BCCIP: variants seen among roughly 807,000 people sequenced by gnomAD.
The protein encoded by BCCIP is BRCA2 and CDKN1A interacting protein, also known as BRCA2 and CDKN1A-interacting protein.
In BCCIP, 23 loss-of-function variants were observed where a neutral mutation model predicts 32.8. That is an observed-to-expected ratio of 0.70 (90% CI 0.51 to 0.99). BCCIP has a LOEUF of 0.99. Among genes scored for constraint, BCCIP ranks in the 50% least tolerant of loss-of-function variants. The pLI, the probability that BCCIP is intolerant of heterozygous loss-of-function variation, is 0.00. For synonymous variants in BCCIP, 144 were observed against 137.6 expected (o/e 1.05, Z -0.33); for missense variants, 378 against 379.8 (o/e 1.00, Z 0.04).
rs761117867 is a variant in BCCIP at position 125,852,267 on chromosome 10, T to C, written c.851-858T>C. The stretch of plus-strand genomic sequence containing the variant: ...AGAAGGTGAATCTCAGCCTAATGCC[T>C]GGCTGACATGGGAGCATAAGGCTAC... On this transcript the variant is annotated intron_variant, in intron 7 of 7. Transcript: ENST00000368759. 5.0e-6 allele frequency: 8 copies of C among 1,609,350 alleles called. No individual in the cohort carries two copies. The Admixed American group carries it at 1.3e-4, about 27-fold the overall frequency.
intron 7 of BCCIP, among the ~76,000 whole-genome samples, chr10:125,850,545 A>T (rs552269202): frequency 6.6e-6 from 1 of 151,826 alleles, no homozygotes; most frequent in African/African-American, 2.4e-5. Context: ...AGTAGAGACG[A>T]GATTTCACCA....
intron 7 of BCCIP, among the ~76,000 whole-genome samples, chr10:125,848,414 C>CTCTA (rs1944050891): frequency 6.6e-6 from 1 of 152,226 alleles, no homozygotes; most frequent in African/African-American, 2.4e-5. Context: ...AGGGCAGACA[C>CTCTA]TCTACCCTAA....
intron 2 of BCCIP, among the ~76,000 whole-genome samples, chr10:125,826,924 T>G (rs372590938): frequency 1.5e-4 from 22 of 148,000 alleles, no homozygotes; most frequent in African/African-American, 4.2e-4. Flanking sequence ...TACTTGAGTC[T>G]AAGAGCTCAA....
chr10:125,837,212 C>T (rs1854720080), downstream of BCCIP, among the ~76,000 whole-genome samples: 1 of 152,120 alleles, frequency 6.6e-6, no homozygotes, highest in East Asian at 1.9e-4. Context: ...GAGGGGGTAT[C>T]TTTGCTTCTT....
chr10:125,844,856 G>A (rs1311912198), downstream of BCCIP, among the ~76,000 whole-genome samples: 2 of 152,182 alleles, frequency 1.3e-5, no homozygotes, highest in African/African-American at 2.4e-5. Context: ...GCTTGCCAGC[G>A]GCAGCTGTAC....
intron 3 of BCCIP, among the ~76,000 whole-genome samples, chr10:125,828,418 G>C (rs1436112752): frequency 6.6e-6 from 1 of 151,822 alleles, no homozygotes; most frequent in Non-Finnish European, 1.5e-5. Flanking sequence ...CGCAGGGAGG[G>C]AAGGGACAGA....
At chr10:125,824,171 CT>C (rs1666012568) in intron 1 of BCCIP, among the ~76,000 whole-genome samples, 1 of 152,170 alleles carries the variant, frequency 6.6e-6, no homozygotes, top group Non-Finnish European at 1.5e-5. Flanking sequence ...TTCAAATGCT[CT>C]TCTTTATCCT....
intron 5 of BCCIP, among the ~76,000 whole-genome samples, chr10:125,831,933 T>C (rs566803788): frequency 5.9e-5 from 9 of 152,330 alleles, no homozygotes; most frequent in Admixed American, 4.6e-4. Context: ...AATAAAATAA[T>C]GAACAATTAC....
downstream of BCCIP, chr10:125,838,945 C>T (rs1854784490): frequency 6.6e-7 from 1 of 1,513,336 alleles, no homozygotes; most frequent in African/African-American, 1.4e-5. Context: ...GGCAGCATAT[C>T]CTGAGTATGT....
chr10:125,849,601 G>A (rs1240378694), intron 7 of BCCIP, among the ~76,000 whole-genome samples: 1 of 151,428 alleles, frequency 6.6e-6, no homozygotes, highest in African/African-American at 2.5e-5. Flanking sequence ...ATATTTGCTC[G>A]ACTCTCTGGG....
intron 3 of BCCIP, 43 bp downstream of exon 3, chr10:125,827,681 T>C (rs1218339456): frequency 2.1e-6 from 3 of 1,432,280 alleles, no homozygotes; most frequent in Non-Finnish European, 2.9e-6. Context: ...ATGAGTTCTT[T>C]ATTCTGTTCA....
intron 7 of BCCIP, among the ~76,000 whole-genome samples, chr10:125,850,314 T>C (rs1294451847): frequency 6.6e-6 from 1 of 150,728 alleles, no homozygotes; most frequent in African/African-American, 2.4e-5. Context: ...ACCAGAGCCA[T>C]CCCTGGCCTC....
rs199860946 is a variant in BCCIP, at chr10:125,852,138, A to C, written c.851-987A>C. On this transcript the variant is annotated intron_variant, in intron 7 of 7. Transcript: ENST00000368759. The stretch of plus-strand genomic sequence containing the variant: ...GGGTTTTAAAAATTACCTTCAGAGA[A>C]TGTTTACCTCTAGCAGGAAAATGCT... 7.2e-5 allele frequency among the ~76,000 whole-genome samples: 11 copies of C among 152,236 alleles called. No homozygotes were observed. The East Asian group carries it at 2.1e-3, about 29-fold the overall frequency.
intron 4 of BCCIP, 113 bp from the exon 5 acceptor site, chr10:125,831,307 A>G (rs1020972597): frequency 4.0e-6 from 4 of 988,372 alleles, no homozygotes; most frequent in Non-Finnish European, 6.1e-6. Flanking sequence ...CGTTAAGGCT[A>G]TGGCAGGAAA....
intron 7 of BCCIP, chr10:125,852,540 T>C (rs558317433): frequency 6.2e-7 from 1 of 1,613,400 alleles, no homozygotes; most frequent in African/African-American, 1.3e-5. Context: ...TCCACAGCAC[T>C]ACCTGAAGAA....
chr10:125,849,658 C>T (rs1375551140), intron 7 of BCCIP, among the ~76,000 whole-genome samples: 1 of 152,174 alleles, frequency 6.6e-6, no homozygotes, highest in Non-Finnish European at 1.5e-5. Context: ...GGCACTGCGG[C>T]AGAGCTATGG....
Position 125,853,133 on chromosome 10 carries a change from C to CGGGGGCAA in BCCIP, c.861_868dup (p.Val290GlyfsTer4). On this transcript the variant is annotated frameshift_variant, in exon 8 of 8. Transcript: ENST00000368759. LOFTEE classifies it low-confidence loss of function (END_TRUNC). ...AATGATTTTCCTTACAGGTGGTTCA[C>CGGGGGCAA]GGGGGCAAGTGACAGCCCTGGTTTC... The CGGGGGCAA allele has an allele frequency of 6.2e-7, 1 of 1,607,066 alleles. No homozygotes were observed. The highest frequency in any genetic ancestry group is 1.1e-5 in the South Asian group (1 of 90,032).
rs1854691249 is a variant in BCCIP, at chr10:125,836,541, T to C, written c.*267T>C. 7.5e-7 allele frequency: 1 copy of C among 1,334,556 alleles called. No individual in the cohort carries two copies. The allele number at this position is 1,334,556 out of a possible 1,614,324, so 82.7% of individuals were successfully genotyped here. On this transcript the variant is annotated 3_prime_UTR_variant, in exon 7 of 7. Coordinates refer to ENST00000278100, the MANE Select transcript of BCCIP (RefSeq NM_078468.3). ...ACTCAATAAAAACTTCTATTTTTTA[T>C]TTTAAAATAATATACACAGTGTTAT...
intron 6 of BCCIP, among the ~76,000 whole-genome samples, chr10:125,835,791 GT>G (rs879634036): frequency 4.1e-4 from 63 of 152,294 alleles, no homozygotes; most frequent in African/African-American, 1.5e-3. Flanking sequence ...AATTTTACAA[GT>G]CTTAATTTCA....
Sources: allele counts gnomAD v4.1 joint callset (sites outside exome capture counted in the v4.1 genomes callset), GRCh38; gene constraint gnomAD v4.1.1; transcripts MANE v1.5; gene names NCBI Gene and HGNC (gene_info 2026-07-23, HGNC 2026-07-21).